The following SCD5 variants were observed in gnomAD, a reference collection of about 807,000 sequenced individuals.
SCD5 encodes the protein acyl-CoA-desaturase 4.
SCD5 carries 20 observed loss-of-function variants against 30.4 expected under a neutral mutation model. The observed-to-expected ratio is 0.66, with a 90% CI of 0.46 to 0.96. The LOEUF is 0.96. SCD5 is among the 40% of genes least tolerant of loss of function. The pLI is 0.00. For synonymous variants in SCD5, 173 were observed against 176.4 expected (o/e 0.98, Z 0.16); for missense variants, 381 against 443.3 (o/e 0.86, Z 1.26).
rs1722240331 is a variant in SCD5, at chr4:82,797,038, G to A, written c.232+1268C>T. ...GTCAACTCTGCTATGCCCTCCCTGA[G>A]CCACACCCCCTAAGAGGTACCCACT... On this transcript the variant is annotated intron_variant, in intron 1 of 4. Transcript: ENST00000319540. Among the ~76,000 whole-genome samples, 7 of 152,244 alleles carry A rather than the reference G, an allele frequency of 4.6e-5. No homozygotes were observed. The South Asian group carries it at 1.5e-3, about 32-fold the overall frequency.
chr4:82,769,617 C>T (rs147563229), intron 1 of SCD5, among the ~76,000 whole-genome samples: 16 of 152,106 alleles, frequency 1.1e-4, no homozygotes, highest in African/African-American at 3.9e-4. Flanking sequence ...AGTTGAGAGT[C>T]ACTTGAAAAT....
intron 1 of SCD5, among the ~76,000 whole-genome samples, chr4:82,755,186 T>G (rs1047697232): frequency 6.6e-6 from 1 of 151,610 alleles, no homozygotes; most frequent in Non-Finnish European, 1.5e-5. Context: ...GGTAGGAGAA[T>G]GTCGAAAAAA....
chr4:82,747,069 G>GCCCCACC (rs1553918952), intron 1 of SCD5, among the ~76,000 whole-genome samples: 2 of 139,698 alleles, frequency 1.4e-5, no homozygotes, highest in Non-Finnish European at 3.2e-5. Context: ...TGGGCAACCT[G>GCCCCACC]CCCCCCAAGA....
intron 3 of SCD5, among the ~76,000 whole-genome samples, chr4:82,662,450 T>A (rs1728033494): frequency 6.6e-6 from 1 of 151,722 alleles, no homozygotes; most frequent in Admixed American, 6.6e-5. Flanking sequence ...AAGCCAAGAG[T>A]TCTATGTATT....
chr4:82,764,047 T>G (rs1014267174), intron 1 of SCD5, among the ~76,000 whole-genome samples: 1 of 152,184 alleles, frequency 6.6e-6, no homozygotes, highest in Non-Finnish European at 1.5e-5. Flanking sequence ...TTAAAGAGAG[T>G]TTCTTTTGCA....
At chr4:82,687,008 T>C (rs1728722907) in intron 2 of SCD5, among the ~76,000 whole-genome samples, 1 of 151,882 alleles carries the variant, frequency 6.6e-6, no homozygotes, top group Non-Finnish European at 1.5e-5. Context: ...CTGTCTCTAC[T>C]AAAGGTACAA....
intron 1 of SCD5, among the ~76,000 whole-genome samples, chr4:82,760,287 C>T (rs1385637652): frequency 6.6e-6 from 1 of 152,138 alleles, no homozygotes; most frequent in Non-Finnish European, 1.5e-5. Context: ...ACCATCCATG[C>T]CCTGAACCCT....
intron 1 of SCD5, among the ~76,000 whole-genome samples, chr4:82,757,930 C>T (rs186698728): frequency 9.5e-4 from 145 of 152,318 alleles, no homozygotes; most frequent in African/African-American, 3.2e-3. Context: ...TTAACGGCTA[C>T]GCCAAGATTA....
At position 82,640,852 on chromosome 4, in the gene SCD5, T is replaced by G. The variant is rs116203115; in HGVS notation, c.570-4029A>C. Among the ~76,000 whole-genome samples, 54 of 151,920 alleles carry G rather than the reference T, an allele frequency of 3.6e-4. No individual in the cohort carries two copies. In the East Asian group the frequency reaches 5.4e-3, roughly 15 times the overall value. ...ACCTACTCCTTCCTCATTTTAGAGA[T>G]TTCCTTTCGTCATTTGGTGATAGGG... is the stretch of plus-strand genomic sequence containing the variant. On this transcript the variant is annotated intron_variant, in intron 3 of 4. Transcript: ENST00000319540.
chr4:82,672,946 A>G (rs998083652), intron 3 of SCD5, among the ~76,000 whole-genome samples: 1 of 152,162 alleles, frequency 6.6e-6, no homozygotes, highest in Admixed American at 6.5e-5. Context: ...GAAAAATCAC[A>G]TGACCATATC....
At chr4:82,707,453 T>C (rs1179575164) in intron 1 of SCD5, among the ~76,000 whole-genome samples, 3 of 152,202 alleles carry the variant, frequency 2.0e-5, no homozygotes, top group Non-Finnish European at 4.4e-5. Flanking sequence ...ATGGTCCATG[T>C]GCTCCCCACC....
intron 3 of SCD5, among the ~76,000 whole-genome samples, chr4:82,655,718 A>G (rs568252698): frequency 1.1e-4 from 16 of 152,340 alleles, no homozygotes; most frequent in African/African-American, 3.4e-4. Flanking sequence ...ACTGGAGCTA[A>G]ATGTTAGCAA....
chr4:82,652,212 A>AC (rs1727772805), intron 3 of SCD5, among the ~76,000 whole-genome samples: 2 of 152,232 alleles, frequency 1.3e-5, no homozygotes, highest in Non-Finnish European at 2.9e-5. Flanking sequence ...AGAAGTACCA[A>AC]GAGATAGGGT....
At chr4:82,679,223 A>T (rs1578017628) in intron 3 of SCD5, among the ~76,000 whole-genome samples, 1 of 25,944 alleles carries the variant, frequency 3.9e-5, no homozygotes, top group African/African-American at 1.5e-4. Flanking sequence ...AAGAAAGAAA[A>T]GAAAGAAAGA....
intron 2 of SCD5, among the ~76,000 whole-genome samples, chr4:82,694,362 CGCTGT>C (rs1278430924): frequency 6.6e-6 from 1 of 152,158 alleles, no homozygotes; most frequent in Non-Finnish European, 1.5e-5. Flanking sequence ...CAGATGTTGA[CGCTGT>C]CAGTGCCAAA....
chr4:82,714,963 G>A (rs1031020309), intron 1 of SCD5, among the ~76,000 whole-genome samples: 7 of 150,342 alleles, frequency 4.7e-5, no homozygotes, highest in Non-Finnish European at 7.4e-5. Context: ...GAGGCTAGGC[G>A]CAGTGGCTCA....
chr4:82,658,014 C>G (rs1727901578), intron 3 of SCD5, among the ~76,000 whole-genome samples: 1 of 152,144 alleles, frequency 6.6e-6, no homozygotes, highest in Admixed American at 6.5e-5. Flanking sequence ...ATGGGGTTTT[C>G]TAAATATACA....
At chr4:82,703,633 T>C (rs1292184686) in intron 2 of SCD5, among the ~76,000 whole-genome samples, 1 of 152,228 alleles carries the variant, frequency 6.6e-6, no homozygotes, top group Non-Finnish European at 1.5e-5. Context: ...TGTGGTGTTT[T>C]GTTAAGAAAA....
intron 1 of SCD5, among the ~76,000 whole-genome samples, chr4:82,730,007 A>C (rs1720592269): frequency 6.6e-6 from 1 of 151,334 alleles, no homozygotes; most frequent in Non-Finnish European, 1.5e-5. Context: ...TATTCTTTTA[A>C]GATGCTATAT....
Sources: gnomAD v4.1 joint callset for allele counts (sites outside exome capture counted in the v4.1 genomes callset) on GRCh38, gnomAD v4.1.1 for gene constraint, MANE v1.5 for transcripts, NCBI Gene and HGNC (gene_info 2026-07-23, HGNC 2026-07-21) for gene names.